The following KCNIP4 variants were observed in gnomAD, a reference collection of about 807,000 sequenced individuals.
The protein encoded by KCNIP4 is potassium voltage-gated channel interacting protein 4, also known as Kv channel-interacting protein 4.
KCNIP4 carries 12 observed loss-of-function variants against 34.0 expected under a neutral mutation model. The observed-to-expected ratio is 0.35, with a 90% confidence interval of 0.23 to 0.57. The LOEUF (loss-of-function observed/expected upper bound fraction) is 0.57. KCNIP4 is among the 20% of genes least tolerant of loss of function. KCNIP4 has a pLI of 0.83. For missense variants in KCNIP4, 238 were observed against 311.7 expected (o/e 0.76, Z 1.78); for synonymous variants, 124 against 102.2 (o/e 1.21, Z -1.29).
chr4:21,657,528 G>A (rs1748062351), intron 1 of KCNIP4, among the ~76,000 whole-genome samples: 1 of 152,206 alleles, frequency 6.6e-6, no homozygotes, highest in South Asian at 2.1e-4. Flanking sequence ...AATAGGCACT[G>A]AGGTACTCAT....
chr4:21,341,313 T>TA (rs1294377354), intron 1 of KCNIP4, among the ~76,000 whole-genome samples: 1 of 152,110 alleles, frequency 6.6e-6, no homozygotes, highest in African/African-American at 2.4e-5. Context: ...CCTAGGAAAC[T>TA]AACACTGGTT....
Position 21,820,666 on chromosome 4 carries a change from C to T in KCNIP4, c.61+127905G>A, listed in dbSNP as rs373144238. 1.2e-4 allele frequency among the ~76,000 whole-genome samples: 18 copies of T among 152,070 alleles called. No homozygotes were observed. The East Asian group carries it at 2.3e-3, about 20-fold the overall frequency. On this transcript the variant is annotated intron_variant, in intron 1 of 8. Transcript: ENST00000382152. Reference sequence around the variant, plus strand: ...AACTGGAAGGGGCTTTAGAAAGGTTCGGATGATTTGTTTATTTTGCTCTGC... The same window carrying T: ...AACTGGAAGGGGCTTTAGAAAGGTTTGGATGATTTGTTTATTTTGCTCTGC...
At chr4:20,757,157 C>T (rs1754546623) in intron 4 of KCNIP4, among the ~76,000 whole-genome samples, 1 of 152,118 alleles carries the variant, frequency 6.6e-6, no homozygotes. Flanking sequence ...GTATCACAAA[C>T]TCCTCTCTTC....
At chr4:21,522,857 T>TA (rs1272565069) in intron 1 of KCNIP4, among the ~76,000 whole-genome samples, 1 of 152,142 alleles carries the variant, frequency 6.6e-6, no homozygotes, top group Admixed American at 6.6e-5. Flanking sequence ...TAGCACATAG[T>TA]AAAAAATATA....
At position 21,337,890 on chromosome 4, in the gene KCNIP4, T is replaced by C. The variant is rs61080364; in HGVS notation, c.62-455181A>G. Among the ~76,000 whole-genome samples the C allele has an allele frequency of 1.4e-3, 216 of 152,256 alleles. 3 individuals are homozygous for C. The East Asian group carries it at 0.035, about 25-fold the overall frequency. ...TTGCGTTTGGCTACATGTAATAAAA[T>C]ACCTAAATCAATTTCTTCCACCCGT... On this transcript the variant is annotated intron_variant, in intron 1 of 8. Coordinates refer to ENST00000382152, the MANE Select transcript of KCNIP4 (RefSeq NM_025221.6).
At chr4:20,758,633 G>C (rs1218481477) in intron 4 of KCNIP4, among the ~76,000 whole-genome samples, 188 bp downstream of exon 4, 6 of 152,120 alleles carry the variant, frequency 3.9e-5, no homozygotes, top group Non-Finnish European at 5.9e-5. Flanking sequence ...CAGCCTCTTG[G>C]ATATTTGATA....
At chr4:21,773,732 G>GTTTTTTTTTTTTTTT (rs1337547042) in intron 1 of KCNIP4, among the ~76,000 whole-genome samples, 1 of 71,318 alleles carries the variant, frequency 1.4e-5, no homozygotes, top group African/African-American at 7.0e-5. Context: ...TGCAACCCCT[G>GTTTTTTTTTTTTTTT]TTTTTTTTTG....
chr4:21,731,252 T>C (rs16871771), intron 1 of KCNIP4, among the ~76,000 whole-genome samples: 13,274 of 152,140 alleles, frequency 0.087, 1,952 homozygotes, highest in African/African-American at 0.3. Context: ...TTCTTTCTCA[T>C]ATTATCTAGC....
intron 1 of KCNIP4, among the ~76,000 whole-genome samples, chr4:21,463,717 G>T (rs1729675316): frequency 1.3e-5 from 2 of 151,954 alleles, no homozygotes; most frequent in African/African-American, 4.8e-5. Context: ...GATAATGCTA[G>T]CTCCTAGAAT....
At chr4:20,965,867 A>C (rs1734292333) in intron 1 of KCNIP4, among the ~76,000 whole-genome samples, 1 of 152,140 alleles carries the variant, frequency 6.6e-6, no homozygotes, top group Admixed American at 6.6e-5. Context: ...AGGCTAACTT[A>C]CTATTTTGAG....
intron 1 of KCNIP4, among the ~76,000 whole-genome samples, chr4:21,293,615 G>T (rs1487747613): frequency 6.6e-6 from 1 of 152,166 alleles, no homozygotes; most frequent in Non-Finnish European, 1.5e-5. Flanking sequence ...CTGTCTTATA[G>T]GATTGGATCT....
chr4:21,476,929 AG>A (rs1731030353), intron 1 of KCNIP4, among the ~76,000 whole-genome samples: 1 of 152,096 alleles, frequency 6.6e-6, no homozygotes, highest in African/African-American at 2.4e-5. Context: ...TAACAAATCC[AG>A]GCAGGACTCT....
At chr4:21,917,010 T>C (rs896628016) in intron 1 of KCNIP4, among the ~76,000 whole-genome samples, 1 of 152,270 alleles carries the variant, frequency 6.6e-6, no homozygotes, top group Non-Finnish European at 1.5e-5. Context: ...AACAGATTCA[T>C]CAACCTTGTG....
chr4:20,827,190 A>C (rs1292122685), intron 3 of KCNIP4, among the ~76,000 whole-genome samples: 25 of 152,198 alleles, frequency 1.6e-4, no homozygotes, highest in Admixed American at 1.6e-3. Flanking sequence ...CTCTGAGATC[A>C]CCAGGCTGTG....
At chr4:21,446,123 A>T (rs2109725617) in intron 1 of KCNIP4, among the ~76,000 whole-genome samples, 1 of 152,296 alleles carries the variant, frequency 6.6e-6, no homozygotes, top group East Asian at 1.9e-4. Context: ...GTCAGGAAAC[A>T]ACAGGTGCTG....
At chr4:21,187,472 T>G (rs1755318268) in intron 1 of KCNIP4, among the ~76,000 whole-genome samples, 1 of 152,240 alleles carries the variant, frequency 6.6e-6, no homozygotes, top group Non-Finnish European at 1.5e-5. Flanking sequence ...TCATCCTCAC[T>G]GAGATTTCTA....
In KCNIP4 at chr4:21,175,325, T is replaced by C. The variant is rs73805041; in HGVS notation, c.62-292616A>G. On this transcript the variant is annotated intron_variant, in intron 1 of 8. Coordinates refer to ENST00000382152, the MANE Select transcript of KCNIP4 (RefSeq NM_025221.6). ...AAATGGCCTAATCACATTGACCAACTACAGTAGTCCTCCCTTATCCTTATC... is the reference window on the plus strand; with the variant it reads ...AAATGGCCTAATCACATTGACCAACCACAGTAGTCCTCCCTTATCCTTATC... Among the ~76,000 whole-genome samples, 420 of 152,272 alleles carry C rather than the reference T, an allele frequency of 2.8e-3. 1 individual carries two copies. The highest frequency in any genetic ancestry group is 9.0e-3 in the African/African-American group (373 of 41,548).
At chr4:20,800,775 C>T (rs1190930662) in intron 3 of KCNIP4, among the ~76,000 whole-genome samples, 4 of 152,074 alleles carry the variant, frequency 2.6e-5, no homozygotes, top group African/African-American at 9.7e-5. Flanking sequence ...TGAAGATATT[C>T]TTTGGGACTT....
chr4:20,781,386 A>T (rs1390220346), intron 3 of KCNIP4, among the ~76,000 whole-genome samples: 1 of 152,220 alleles, frequency 6.6e-6, no homozygotes, highest in East Asian at 1.9e-4. Flanking sequence ...CAATTATATG[A>T]TGAATTTCTT....
Sources: allele counts gnomAD v4.1 joint callset (sites outside exome capture counted in the v4.1 genomes callset), GRCh38; gene constraint gnomAD v4.1.1; transcripts MANE v1.5; gene names NCBI Gene and HGNC (gene_info 2026-07-23, HGNC 2026-07-21).